Variants in CPA3 observed in about 807,000 individuals in gnomAD.
CPA3 encodes mast cell carboxypeptidase A.
Under a neutral mutation model 55.8 loss-of-function variants are expected in CPA3, and 52 were observed. That is an observed-to-expected ratio of 0.93 (90% CI 0.75 to 1.17). The LOEUF (loss-of-function observed/expected upper bound fraction) is 1.17. CPA3 is among the 50% of genes most tolerant of loss of function. The pLI, the probability that CPA3 is intolerant of heterozygous loss-of-function variation, is 0.00. For missense variants in CPA3, 547 were observed against 509.1 expected, an observed-to-expected ratio of 1.07 and a Z score of -0.72; for synonymous variants, 179 against 171.2, an observed-to-expected ratio of 1.05 and a Z score of -0.36.
chr3:148,878,675 A>C lies in CPA3; in HGVS notation c.401A>C (p.Asp134Ala), dbSNP rs146235151. The C allele has an allele frequency of 1.9e-4, 306 of 1,612,014 alleles. No homozygotes were observed. Among genetic ancestry groups the C allele is most frequent in the Admixed American group, 3.0e-4 (18 of 59,920 alleles). Residue 134 changes from aspartate (D) to alanine (A), a missense_variant, in exon 5 of 11, where the codon GAT (aspartate) becomes GCT (alanine). Coordinates refer to ENST00000296046, the MANE Select transcript of CPA3 (RefSeq NM_001870.4). ...KIVAWTEKMM[D>A]KYPEMVSRIK... Reference sequence around the variant, plus strand: ...GTGGCTTGGACTGAAAAGATGATGGATAAGTATCCTGAAATGGTCTCTCGT... The same window carrying C: ...GTGGCTTGGACTGAAAAGATGATGGCTAAGTATCCTGAAATGGTCTCTCGT...
intron 3 of CPA3, among the ~76,000 whole-genome samples, chr3:148,875,602 A>G (rs1489362191): frequency 6.6e-6 from 1 of 151,916 alleles, no homozygotes; most frequent in Non-Finnish European, 1.5e-5. Flanking sequence ...TACTGATAAC[A>G]GTGTGTTCGC....
chr3:148,890,156 A>G (rs1429114612), intron 10 of CPA3, among the ~76,000 whole-genome samples: 1 of 152,200 alleles, frequency 6.6e-6, no homozygotes, highest in Non-Finnish European at 1.5e-5. Context: ...TGGTATACCT[A>G]CCACTTTGCC....
intron 3 of CPA3, among the ~76,000 whole-genome samples, chr3:148,873,060 A>ACT (rs916788805): frequency 2.9e-5 from 4 of 140,090 alleles, no homozygotes; most frequent in African/African-American, 1.1e-4. Context: ...ACACACACAC[A>ACT]CTCACACAGA....
At chr3:148,876,185 A>C (rs1714197529) in intron 3 of CPA3, among the ~76,000 whole-genome samples, 2 of 140,450 alleles carry the variant, frequency 1.4e-5, no homozygotes, top group Non-Finnish European at 3.1e-5. Context: ...GTGAGAAAAA[A>C]AGTCAAAAAA....
intron 6 of CPA3, 197 bp from the exon 7 acceptor site, chr3:148,881,325 T>C (rs953910067): frequency 8.9e-6 from 4 of 450,686 alleles, no homozygotes; most frequent in African/African-American, 8.0e-5. Context: ...TTTCCATTAA[T>C]GTCACTAGTC....
In CPA3 at chr3:148,868,908, T is replaced by C; in HGVS notation, c.145-7T>C. 1 of 1,613,096 alleles carries C rather than the reference T, an allele frequency of 6.2e-7. No individual in the cohort carries two copies. The highest frequency in any genetic ancestry group is 8.5e-7 in the Non-Finnish European group (1 of 1,179,772). ...AACTCTGACTAACATTGAGCTTATC[T>C]CTGCAGCTTGACTTCTGGTATCCAG... On this transcript the variant is annotated splice_polypyrimidine_tract_variant and splice_region_variant and intron_variant, in intron 2 of 10. Coordinates refer to ENST00000296046, the MANE Select transcript of CPA3 (RefSeq NM_001870.4).
intron 6 of CPA3, among the ~76,000 whole-genome samples, chr3:148,880,724 A>T (rs1229339691): frequency 3.3e-5 from 5 of 152,066 alleles, no homozygotes; most frequent in Non-Finnish European, 7.4e-5. Context: ...ACCATATTTT[A>T]ATTTTCTCTT....
rs1263855669 is a variant in CPA3, at chr3:148,881,626, G to C, written c.681G>C (p.Trp227Cys). The C allele has an allele frequency of 1.2e-6, 2 of 1,600,888 alleles. No homozygotes were observed. Among genetic ancestry groups the C allele is most frequent in the South Asian group, 2.2e-5 (2 of 90,428 alleles). Residue 227 changes from tryptophan to cysteine, a missense_variant, in exon 7 of 11, where the codon TGG becomes TGC. Physicochemically the swap from Trp to Cys is radical, Grantham distance 215 (BLOSUM62 -2). Coordinates refer to ENST00000296046, the MANE Select transcript of CPA3 (RefSeq NM_001870.4). ...VFNVDGYIWSWTKNRMWRKNR... is the reference protein window; with the variant it reads ...VFNVDGYIWSCTKNRMWRKNR... ...ATGTTGATGGATATATTTGGTCATG[G>C]ACAAAGGTACTGCTCTCTACTCTCT...
chr3:148,879,428 C>T (rs1384298475), intron 5 of CPA3, among the ~76,000 whole-genome samples: 5 of 152,202 alleles, frequency 3.3e-5, no homozygotes, highest in East Asian at 3.9e-4. Flanking sequence ...GTTTACACAA[C>T]CAGAAAAACA....
chr3:148,876,742 T>C (rs1714215065), intron 3 of CPA3, among the ~76,000 whole-genome samples: 2 of 152,194 alleles, frequency 1.3e-5, no homozygotes, highest in African/African-American at 4.8e-5. Context: ...AGATACATTA[T>C]CCAGTATTAA....
chr3:148,880,044 A>T (rs994316068), intron 6 of CPA3, among the ~76,000 whole-genome samples, 155 bp downstream of exon 6: 1 of 152,202 alleles, frequency 6.6e-6, no homozygotes, highest in Non-Finnish European at 1.5e-5. Context: ...TTTACTCATC[A>T]TTACAGTTTT....
At chr3:148,876,203 AATAT>A (rs35546621) in intron 3 of CPA3, among the ~76,000 whole-genome samples, 164 of 150,170 alleles carry the variant, frequency 1.1e-3, no homozygotes, top group African/African-American at 3.9e-3. Context: ...AAACTGGTAA[AATAT>A]ATATATATAT....
intron 10 of CPA3, among the ~76,000 whole-genome samples, chr3:148,895,547 G>A (rs976656212): frequency 1.3e-5 from 2 of 152,116 alleles, no homozygotes; most frequent in African/African-American, 2.4e-5. Context: ...AGTTACTGAA[G>A]ACACCAGTGG....
intron 3 of CPA3, among the ~76,000 whole-genome samples, chr3:148,871,010 T>C (rs1388595354): frequency 2.0e-5 from 3 of 152,196 alleles, no homozygotes; most frequent in African/African-American, 4.8e-5. Flanking sequence ...GCCATTCTCC[T>C]GCTTCAGCCT....
chr3:148,872,537 A>G (rs1416112033), intron 3 of CPA3, among the ~76,000 whole-genome samples: 1 of 152,248 alleles, frequency 6.6e-6, no homozygotes, highest in Non-Finnish European at 1.5e-5. Flanking sequence ...ATCTATGCCA[A>G]ACTGACACAG....
At position 148,896,648 on chromosome 3, in the gene CPA3, A is replaced by T. The variant is rs1274083266; in HGVS notation, c.1195A>T (p.Arg399Ter). Residue 399 changes from arginine to a stop codon, truncating the protein, a stop_gained, in exon 11 of 11, where the codon AGA (arginine) becomes TGA (stop). Coordinates refer to ENST00000296046, the MANE Select transcript of CPA3 (RefSeq NM_001870.4). LOFTEE classifies it high-confidence loss of function. Reference sequence around the variant, plus strand: ...AGAATCCCGGATAAAGCCAACGTGCAGAGAGACCATGCTAGCTGTCAAATT... The same window carrying T: ...AGAATCCCGGATAAAGCCAACGTGCTGAGAGACCATGCTAGCTGTCAAATT... ...LPESRIKPTCRETMLAVKFIA... is the reference protein window; with the variant it reads ...LPESRIKPTC 1.3e-6 allele frequency: 2 copies of T among 1,581,998 alleles called. No individual in the cohort carries two copies. Among genetic ancestry groups the T allele is most frequent in the South Asian group, 2.3e-5 (2 of 87,842 alleles).
At chr3:148,871,309 A>G (rs1160339637) in intron 3 of CPA3, among the ~76,000 whole-genome samples, 5 of 152,238 alleles carry the variant, frequency 3.3e-5, no homozygotes, top group Non-Finnish European at 7.3e-5. Context: ...ATTCAGCCCA[A>G]GGTAAAATAA....
intron 2 of CPA3, among the ~76,000 whole-genome samples, chr3:148,868,677 G>T (rs1206999354): frequency 6.7e-6 from 1 of 148,686 alleles, no homozygotes; most frequent in African/African-American, 2.5e-5. Flanking sequence ...TAGACCTGAA[G>T]TCCTTAAAAA....
At chr3:148,866,064 G>C (rs553925276) in intron 2 of CPA3, among the ~76,000 whole-genome samples, 54 of 152,252 alleles carry the variant, frequency 3.5e-4, no homozygotes, top group African/African-American at 1.3e-3. Flanking sequence ...GTATTCAGCT[G>C]CTCCTATTTA....
Sources: allele counts gnomAD v4.1 joint callset (sites outside exome capture counted in the v4.1 genomes callset), GRCh38; gene constraint gnomAD v4.1.1; transcripts MANE v1.5; gene names NCBI Gene and HGNC (gene_info 2026-07-23, HGNC 2026-07-21).